Variants in MYOZ3 observed in about 807,000 individuals in gnomAD.
The protein encoded by MYOZ3 is myozenin-3.
Under a neutral mutation model 26.5 loss-of-function variants are expected in MYOZ3, and 19 were observed. The ratio of observed to expected loss-of-function variants is 0.72; its 90% CI spans 0.50 to 1.05. MYOZ3 has a LOEUF of 1.05. Among genes scored for constraint, MYOZ3 ranks in the 50% least tolerant of loss-of-function variants. The probability of loss-of-function intolerance (pLI) is 0.00; values close to 1 mark genes in which losing one functional copy is unlikely to be tolerated. For missense variants in MYOZ3, 322 were observed against 337.1 expected (o/e 0.96, Z 0.35); for synonymous variants, 135 against 138.8 (o/e 0.97, Z 0.19).
intron 6 of MYOZ3, chr5:150,672,712 C>T (rs542574854): frequency 7.1e-6 from 4 of 565,204 alleles, no homozygotes; most frequent in African/African-American, 3.9e-5. Flanking sequence ...GTGAAGGTGC[C>T]GCACATCTTG....
In MYOZ3 at chr5:150,670,588, C is replaced by A. The variant is rs1309804141; in HGVS notation, c.166C>A (p.Gln56Lys). 6.2e-7 allele frequency: 1 copy of A among 1,612,950 alleles called. No homozygotes were observed. Among genetic ancestry groups the A allele is most frequent in the South Asian group, 1.1e-5 (1 of 90,920 alleles). The stretch of plus-strand genomic sequence containing the variant: ...AGGGTCCCTCCTCTTCCAGAAGAGG[C>A]AGCGCCGTGTGCAGAAGTTCACTTT... ...NRGSLLFQKRQRRVQKFTFEL... is the reference protein window; with the variant it reads ...NRGSLLFQKRKRRVQKFTFEL... Residue 56 changes from glutamine (Q) to lysine (K), a missense_variant, in exon 3 of 7, where the codon CAG becomes AAG. Gln to Lys is a moderately conservative substitution (Grantham distance 53). Coordinates refer to ENST00000517768, the MANE Select transcript of MYOZ3 (RefSeq NM_001122853.3).
intron 2 of MYOZ3, among the ~76,000 whole-genome samples, chr5:150,664,586 G>A (rs1359681904): frequency 1.3e-5 from 2 of 152,278 alleles, no homozygotes; most frequent in African/African-American, 4.8e-5. Flanking sequence ...ACTTTGCTAA[G>A]AGAAAAGTAT....
intron 6 of MYOZ3, among the ~76,000 whole-genome samples, chr5:150,673,587 G>A (rs535501343): frequency 6.6e-6 from 1 of 152,136 alleles, no homozygotes; most frequent in African/African-American, 2.4e-5. Context: ...TGATCCACCC[G>A]CCTTTGCCTC....
chr5:150,667,814 A>C (rs1375709011), intron 2 of MYOZ3, among the ~76,000 whole-genome samples: 1 of 152,122 alleles, frequency 6.6e-6, no homozygotes. Flanking sequence ...TCCCTCCTTC[A>C]TTCCTAAATT....
Position 150,676,742 on chromosome 5 carries a change from G to T in MYOZ3, c.623G>T (p.Gly208Val), listed in dbSNP as rs770449630. The T allele has an allele frequency of 3.1e-6, 5 of 1,613,838 alleles. No individual in the cohort carries two copies. The Admixed American group carries it at 5.0e-5, about 16-fold the overall frequency. Residue 208 changes from glycine to valine, a missense_variant, in exon 7 of 7, where the codon GGC (glycine) becomes GTC (valine). Transcript: ENST00000517768. ...CCATTTGGAGGACCCCTCGTGGGGG[G>T]CACTTTTCCCAGGCCAGGCACCCCC... ...PVPFGGPLVG[G>V]TFPRPGTPFI... is the part of the protein sequence containing the mutation.
At chr5:150,668,857 G>A (rs1400806267) in intron 2 of MYOZ3, among the ~76,000 whole-genome samples, 1 of 152,206 alleles carries the variant, frequency 6.6e-6, no homozygotes, top group Non-Finnish European at 1.5e-5. Flanking sequence ...TTCCAACTAT[G>A]AGAAAAGAAA....
Position 150,676,775 on chromosome 5 carries a change from C to T in MYOZ3, c.656C>T (p.Pro219Leu), listed in dbSNP as rs761940854. 26 of 1,613,942 alleles carry T rather than the reference C, an allele frequency of 1.6e-5. No homozygotes were observed. The highest frequency in any genetic ancestry group is 1.1e-4 in the African/African-American group (8 of 74,886). Residue 219 changes from proline (P) to leucine (L), a missense_variant, in exon 7 of 7, where the codon CCG (proline) becomes CTG (leucine). Transcript: ENST00000517768. ...TFPRPGTPFI[P>L]EPLSGLELLR... ...CCCAGGCCAGGCACCCCCTTCATCCCGGAGCCCCTCAGTGGCTTGGAACTC... is the reference window on the plus strand; with the variant it reads ...CCCAGGCCAGGCACCCCCTTCATCCTGGAGCCCCTCAGTGGCTTGGAACTC...
intron 3 of MYOZ3, chr5:150,671,273 G>A (rs1030265950): frequency 2.9e-6 from 1 of 348,820 alleles, no homozygotes; most frequent in Non-Finnish European, 5.2e-6. Flanking sequence ...GCACTTTGCA[G>A]GTATCTCATT....
intron 2 of MYOZ3, among the ~76,000 whole-genome samples, chr5:150,666,471 G>A (rs1005113014): frequency 4.0e-5 from 6 of 151,772 alleles, no homozygotes; most frequent in African/African-American, 1.2e-4. Flanking sequence ...AAAATTAGCC[G>A]TGCGTGGTGG....
rs779403799 is a variant in MYOZ3 at position 150,671,583 on chromosome 5, C to T, written c.217-14C>T. 1.2e-6 allele frequency: 2 copies of T among 1,613,698 alleles called. No homozygotes were observed. Among genetic ancestry groups the T allele is most frequent in the South Asian group, 2.2e-5 (2 of 91,076 alleles). On this transcript the variant is annotated splice_polypyrimidine_tract_variant and intron_variant, in intron 3 of 6. Coordinates refer to ENST00000517768, the MANE Select transcript of MYOZ3 (RefSeq NM_001122853.3). ...TGAGCTTCTCTGCGGTTTATTCTACCCCCTCGTTCCCAGATGCTGGCCGGA... is the reference window on the plus strand; with the variant it reads ...TGAGCTTCTCTGCGGTTTATTCTACTCCCTCGTTCCCAGATGCTGGCCGGA...
At chr5:150,675,439 C>A (rs1271049567) in intron 6 of MYOZ3, among the ~76,000 whole-genome samples, 1 of 151,972 alleles carries the variant, frequency 6.6e-6, no homozygotes, top group Non-Finnish European at 1.5e-5. Context: ...ATGACACAAT[C>A]TCAGCTCACT....
At chr5:150,672,619 GCTTT>G in intron 6 of MYOZ3, 117 bp downstream of exon 6, 1 of 1,255,772 alleles carries the variant, frequency 8.0e-7, no homozygotes, top group East Asian at 2.6e-5. Flanking sequence ...TGTCCCCAGC[GCTTT>G]CTATTCATTG....
chr5:150,671,728 C>T (rs967265324), intron 4 of MYOZ3, 27 bp from the exon 5 acceptor site: 1 of 1,613,116 alleles, frequency 6.2e-7, no homozygotes, highest in Non-Finnish European at 8.5e-7. Flanking sequence ...TCGTCGGTGG[C>T]CTCTGAGAAC....
In MYOZ3 at chr5:150,679,327, G is replaced by T. The variant is rs955826570; in HGVS notation, c.*2452G>T. ...GGTGTTGTAAAAAAGAAAAAAAAAA[G>T]AATGCTCATTGTAAAAATAAAAAAA... is the stretch of plus-strand genomic sequence containing the variant. On this transcript the variant is annotated 3_prime_UTR_variant, in exon 7 of 7. Coordinates refer to ENST00000517768, the MANE Select transcript of MYOZ3 (RefSeq NM_001122853.3). 2 of 151,716 alleles carry T rather than the reference G, an allele frequency of 1.3e-5. No homozygotes were observed. Among genetic ancestry groups the T allele is most frequent in the African/African-American group, 2.4e-5 (1 of 41,140 alleles). 9.4% of individuals were successfully genotyped at this position (151,716 alleles called of 1,614,324 possible).
Position 150,670,519 on chromosome 5 carries a change from C to A in MYOZ3, c.97C>A (p.Pro33Thr). The change falls in exon 3 of 7, where the codon CCC becomes ACC. Residue 33 changes from proline (P) to threonine (T), a missense_variant. Transcript: ENST00000517768. ...TLDLGKKLSV[P>T]QDLMMEELSL... ...GGACCTGGGCAAGAAGCTGAGCGTG[C>A]CCCAGGACCTGATGATGGAGGAGCT... 6.2e-7 allele frequency: 1 copy of A among 1,612,908 alleles called. No individual in the cohort carries two copies.
At chr5:150,672,661 C>T (rs570539404) in intron 6 of MYOZ3, 159 bp downstream of exon 6, 1 of 799,874 alleles carries the variant, frequency 1.3e-6, no homozygotes, top group Non-Finnish European at 1.9e-6. Flanking sequence ...ACAGCGCCTC[C>T]GCACCTGGTA....
intron 3 of MYOZ3, chr5:150,670,851 G>T: frequency 4.9e-6 from 1 of 206,018 alleles, no homozygotes; most frequent in Non-Finnish European, 8.6e-6. Flanking sequence ...GGGGGTTGAG[G>T]ATAAGCCGTG....
At chr5:150,665,732 T>C (rs1045719971) in intron 2 of MYOZ3, among the ~76,000 whole-genome samples, 2 of 152,092 alleles carry the variant, frequency 1.3e-5, no homozygotes, top group African/African-American at 4.8e-5. Context: ...CCTGCCATTT[T>C]TTTTTTTTAA....
chr5:150,674,952 G>A (rs1172717882), intron 6 of MYOZ3, among the ~76,000 whole-genome samples: 1 of 152,236 alleles, frequency 6.6e-6, no homozygotes, highest in African/African-American at 2.4e-5. Flanking sequence ...GGAGGTTGCA[G>A]TGTGCCGAGA....
Sources: gnomAD v4.1 joint callset for allele counts (sites outside exome capture counted in the v4.1 genomes callset) on GRCh38, gnomAD v4.1.1 for gene constraint, MANE v1.5 for transcripts, NCBI Gene and HGNC (gene_info 2026-07-23, HGNC 2026-07-21) for gene names.